Variants in COL11A1 observed in about 807,000 individuals in gnomAD.
COL11A1 encodes the protein collagen type XI alpha 1 chain.
In COL11A1, 74 loss-of-function variants were observed where a neutral mutation model predicts 265.2. The observed-to-expected ratio is 0.28, with a 90% CI of 0.23 to 0.34. COL11A1 has a LOEUF of 0.34. Among genes scored for constraint, COL11A1 ranks in the 10% least tolerant of loss-of-function variants. The probability of loss-of-function intolerance (pLI) is 1.00; values close to 1 mark genes in which losing one functional copy is unlikely to be tolerated. For missense variants in COL11A1, 2,165 were observed against 2,263.6 expected (o/e 0.96, Z 0.88); for synonymous variants, 816 against 727.6 (o/e 1.12, Z -1.96).
In COL11A1 at chr1:102,879,920, G is replaced by A. The variant is rs764646164; in HGVS notation, c.5041-4C>T. Reference sequence around the variant, plus strand: ...CTTCAACATCTAAGTATGAAAGCTAGGAATAAAGGAATAAAAAGACACCTA... The same window carrying A: ...CTTCAACATCTAAGTATGAAAGCTAAGAATAAAGGAATAAAAAGACACCTA... On this transcript the variant is annotated splice_region_variant and splice_polypyrimidine_tract_variant and intron_variant, in intron 65 of 66. Coordinates refer to ENST00000370096, the MANE Select transcript of COL11A1 (RefSeq NM_001854.4). 5.7e-5 allele frequency: 89 copies of A among 1,570,252 alleles called. No homozygotes were observed. The African/African-American group carries it at 1.1e-3, about 19-fold the overall frequency.
chr1:103,051,955 T>A (rs1669869089), intron 4 of COL11A1, among the ~76,000 whole-genome samples: 1 of 152,196 alleles, frequency 6.6e-6, no homozygotes, highest in Admixed American at 6.5e-5. Flanking sequence ...TCCTCTACAT[T>A]CAGCTCAAAT....
intron 37 of COL11A1, 132 bp downstream of exon 37, chr1:102,970,087 G>A (rs923603780): frequency 5.2e-6 from 3 of 573,608 alleles, no homozygotes; most frequent in East Asian, 3.2e-5. Context: ...TCAATAAAAG[G>A]CTTAATGGAA....
At chr1:102,965,861 A>C (rs780312794) in intron 37 of COL11A1, among the ~76,000 whole-genome samples, 2 of 152,184 alleles carry the variant, frequency 1.3e-5, no homozygotes, top group South Asian at 2.1e-4. Context: ...TTATGGATGA[A>C]GTAAATGATG....
At chr1:102,943,477 ACACAC>A (rs1557853624) in intron 42 of COL11A1, among the ~76,000 whole-genome samples, 52 of 99,308 alleles carry the variant, frequency 5.2e-4, no homozygotes, top group Admixed American at 7.6e-4. Context: ...ACACACACAC[ACACAC>A]ACAAACAACC....
At chr1:102,926,176 T>C (rs1181334843) in intron 46 of COL11A1, among the ~76,000 whole-genome samples, 1 of 152,146 alleles carries the variant, frequency 6.6e-6, no homozygotes, top group Non-Finnish European at 1.5e-5. Flanking sequence ...CAAAATCTCT[T>C]GTTGCATGGA....
chr1:102,961,994 T>C, intron 40 of COL11A1, 75 bp from the exon 41 acceptor site: 1 of 1,355,882 alleles, frequency 7.4e-7, no homozygotes. Context: ...ATCTGATTAG[T>C]AAAATAAGGA....
intron 36 of COL11A1, among the ~76,000 whole-genome samples, chr1:102,970,906 C>T (rs1345258109): frequency 6.6e-6 from 1 of 151,914 alleles, no homozygotes. Context: ...CGCAGCTACT[C>T]GGGAGGCTGA....
At chr1:102,906,508 T>A (rs1194943443) in intron 54 of COL11A1, among the ~76,000 whole-genome samples, 1 of 151,982 alleles carries the variant, frequency 6.6e-6, no homozygotes, top group East Asian at 1.9e-4. Context: ...CCCAGGCTCA[T>A]GCAATCCTCC....
intron 31 of COL11A1, among the ~76,000 whole-genome samples, chr1:102,983,320 T>C (rs1205110444): frequency 6.6e-6 from 1 of 152,060 alleles, no homozygotes; most frequent in African/African-American, 2.4e-5. Flanking sequence ...TATATCCATA[T>C]ACAAATCTAT....
chr1:103,055,701 C>A (rs1267812540), intron 4 of COL11A1, among the ~76,000 whole-genome samples: 1 of 152,186 alleles, frequency 6.6e-6, no homozygotes, highest in Non-Finnish European at 1.5e-5. Flanking sequence ...TGGCCCAAAA[C>A]AAATTCATAA....
chr1:102,905,033 C>T (rs1258475557), intron 54 of COL11A1, among the ~76,000 whole-genome samples: 2 of 151,778 alleles, frequency 1.3e-5, no homozygotes, highest in Non-Finnish European at 2.9e-5. Context: ...CCATGGAATA[C>T]TATGCAGCCA....
intron 46 of COL11A1, among the ~76,000 whole-genome samples, chr1:102,933,965 A>ACCCACTGACCTGCG (rs1657858734): frequency 6.6e-6 from 1 of 152,050 alleles, no homozygotes; most frequent in African/African-American, 2.4e-5. Context: ...CGGTGCGCGC[A>ACCCACTGACCTGCG]CCCACTGACC....
At chr1:103,020,663 C>T (rs1666970711) in intron 9 of COL11A1, among the ~76,000 whole-genome samples, 1 of 84,410 alleles carries the variant, frequency 1.2e-5, no homozygotes, top group African/African-American at 4.6e-5. Context: ...AAGTCCTTGC[C>T]CATGCCTATG....
rs796818981 is a variant in COL11A1, at chr1:102,954,518, A to C, written c.3168+7348T>G. Among the ~76,000 whole-genome samples, 45 of 152,298 alleles carry C rather than the reference A, an allele frequency of 3.0e-4. 1 individual carries two copies. The highest frequency in any genetic ancestry group is 9.6e-4 in the African/African-American group (40 of 41,572). On this transcript the variant is annotated intron_variant, in intron 41 of 66. Transcript: ENST00000370096. ...TTACAAACCAGAGCTATACAACTAG[A>C]GGGCAAAAACACGTCTGCTCTGTCT...
intron 24 of COL11A1, 75 bp from the exon 25 acceptor site, chr1:102,998,438 T>G (rs1664832032): frequency 9.8e-7 from 1 of 1,024,634 alleles, no homozygotes; most frequent in Admixed American, 2.8e-5. Flanking sequence ...ATACTATGAA[T>G]GAAATTCTTA....
At chr1:103,050,809 T>G (rs1298822878) in intron 4 of COL11A1, among the ~76,000 whole-genome samples, 1 of 152,202 alleles carries the variant, frequency 6.6e-6, no homozygotes, top group Admixed American at 6.5e-5. Flanking sequence ...TTGTTAGTTT[T>G]CCTTCTAACA....
chr1:103,090,019 A>G (rs1673186066), intron 1 of COL11A1, among the ~76,000 whole-genome samples: 1 of 151,872 alleles, frequency 6.6e-6, no homozygotes, highest in South Asian at 2.1e-4. Context: ...AGCTACTCCA[A>G]AGGCTGAGGC....
In COL11A1 at chr1:102,961,887, G is replaced by C. The variant is rs539284752; in HGVS notation, c.3147C>G (p.Pro1049=). 2.5e-4 allele frequency: 396 copies of C among 1,613,200 alleles called. 7 individuals are homozygous for C. In the South Asian group the frequency reaches 4.2e-3, roughly 17 times the overall value. Reference sequence around the variant, plus strand: ...TTACAACTGGACCTGGTGGGCCCTGGGGACCTTCCCCTCCTTTCAGTCCAG... The same window carrying C: ...TTACAACTGGACCTGGTGGGCCCTGCGGACCTTCCCCTCCTTTCAGTCCAG... ...GAPGLKGGEG[P]QGPPGPVGSP... is the part of the protein sequence containing the mutation. Residue 1049 remains proline (P), a synonymous_variant, in exon 41 of 67, where the codon CCC becomes CCG. Transcript: ENST00000370096.
At chr1:102,943,333 C>G (rs1379821100) in intron 42 of COL11A1, among the ~76,000 whole-genome samples, 1 of 151,844 alleles carries the variant, frequency 6.6e-6, no homozygotes, top group African/African-American at 2.4e-5. Flanking sequence ...ATCCCAGTCT[C>G]TTTATTTCTT....
Sources: gnomAD v4.1 joint callset for allele counts (sites outside exome capture counted in the v4.1 genomes callset) on GRCh38, gnomAD v4.1.1 for gene constraint, MANE v1.5 for transcripts, NCBI Gene and HGNC (gene_info 2026-07-23, HGNC 2026-07-21) for gene names.